Variants in SCNN1B observed in about 807,000 individuals in gnomAD.
The protein encoded by SCNN1B is sodium channel epithelial 1 subunit beta.
SCNN1B carries 46 observed loss-of-function variants against 65.3 expected under a neutral mutation model. The ratio of observed to expected loss-of-function variants is 0.70; its 90% CI spans 0.56 to 0.90. The LOEUF (loss-of-function observed/expected upper bound fraction) is 0.90. Among genes scored for constraint, SCNN1B ranks in the 40% least tolerant of loss-of-function variants. The pLI is 0.00. For missense variants in SCNN1B, 751 were observed against 830.5 expected, an observed-to-expected ratio of 0.90 and a Z score of 1.18; for synonymous variants, 349 against 330.6, an observed-to-expected ratio of 1.06 and a Z score of -0.60.
chr16:23,363,268 C>A (rs1324064739), intron 4 of SCNN1B, among the ~76,000 whole-genome samples: 1 of 152,208 alleles, frequency 6.6e-6, no homozygotes, highest in Non-Finnish European at 1.5e-5. Context: ...GGCATCCACC[C>A]CTTGCCGCAG....
At chr16:23,346,797 G>C (rs112790554) in intron 1 of SCNN1B, among the ~76,000 whole-genome samples, 11 of 150,718 alleles carry the variant, frequency 7.3e-5, no homozygotes, top group Non-Finnish European at 1.5e-5. Context: ...TCTCAGACCT[G>C]GCCAGGCCTC....
intron 1 of SCNN1B, among the ~76,000 whole-genome samples, chr16:23,325,922 T>TAATAA (rs59140961): frequency 1.4e-5 from 2 of 147,726 alleles, no homozygotes; most frequent in Admixed American, 6.7e-5. Flanking sequence ...AATAAATAAA[T>TAATAA]ATAAATAAAA....
chr16:23,310,364 T>C (rs1024923326), intron 1 of SCNN1B, among the ~76,000 whole-genome samples: 4 of 150,726 alleles, frequency 2.7e-5, no homozygotes, highest in African/African-American at 7.3e-5. Flanking sequence ...GCCACTGTTA[T>C]GACCAATAAT....
intron 7 of SCNN1B, among the ~76,000 whole-genome samples, chr16:23,375,297 G>A (rs886322370): frequency 5.9e-5 from 9 of 152,190 alleles, no homozygotes; most frequent in African/African-American, 1.9e-4. Context: ...CCCTCTGGGA[G>A]GAAGGAGCAC....
chr16:23,331,215 A>G (rs981065110), intron 1 of SCNN1B, among the ~76,000 whole-genome samples: 1 of 152,038 alleles, frequency 6.6e-6, no homozygotes, highest in African/African-American at 2.4e-5. Context: ...CTTCTTTCTC[A>G]GCGCTCCTGG....
At chr16:23,317,755 C>A (rs1310983910) in intron 1 of SCNN1B, among the ~76,000 whole-genome samples, 1 of 152,172 alleles carries the variant, frequency 6.6e-6, no homozygotes, top group Non-Finnish European at 1.5e-5. Context: ...AAGGTGAGCA[C>A]CGAAGGGCAA....
chr16:23,351,885 G>C (rs1418389204), intron 2 of SCNN1B, among the ~76,000 whole-genome samples: 1 of 152,160 alleles, frequency 6.6e-6, no homozygotes, highest in East Asian at 1.9e-4. Context: ...CTGGGAGGGA[G>C]ATCTCAGAAC....
At chr16:23,333,177 GGAAGGA>G (rs1479892144) in intron 1 of SCNN1B, among the ~76,000 whole-genome samples, 4 of 141,044 alleles carry the variant, frequency 2.8e-5, no homozygotes, top group African/African-American at 5.2e-5. Flanking sequence ...AAGGAAGGAA[GGAAGGA>G]AGGAAGGAAG....
chr16:23,323,543 T>C (rs2141996034), intron 1 of SCNN1B: 1 of 702,988 alleles, frequency 1.4e-6, no homozygotes, highest in African/African-American at 1.7e-5. Context: ...TATTTTCCCC[T>C]CATTTTACAG....
At chr16:23,304,533 G>A (rs1051382049) in intron 1 of SCNN1B, among the ~76,000 whole-genome samples, 1 of 152,222 alleles carries the variant, frequency 6.6e-6, no homozygotes, top group Non-Finnish European at 1.5e-5. Context: ...ACCTCCAGGG[G>A]TTCTCTCTAG....
At position 23,352,911 on chromosome 16, in the gene SCNN1B, A is replaced by T. The variant is rs1256639788; in HGVS notation, c.422A>T (p.Asn141Ile). Residue 141 changes from asparagine (N) to isoleucine (I), a missense_variant, in exon 3 of 13, where the codon AAC becomes ATC. Asn to Ile is a moderately radical substitution (Grantham distance 149). Transcript: ENST00000343070. ...CATGCCAATGCCACCAGGAACCTGA[A>T]CTTCTCCATCTGGAACCACACACCC... ...LSHANATRNL[N>I]FSIWNHTPLV... is the part of the protein sequence containing the mutation. The T allele has an allele frequency of 1.2e-6, 2 of 1,614,178 alleles. No individual in the cohort carries two copies. Among genetic ancestry groups the T allele is most frequent in the Non-Finnish European group, 1.7e-6 (2 of 1,180,028 alleles).
intron 1 of SCNN1B, among the ~76,000 whole-genome samples, chr16:23,321,486 A>C (rs1335079808): frequency 1.3e-5 from 2 of 152,168 alleles, no homozygotes; most frequent in African/African-American, 2.4e-5. Flanking sequence ...CCCATAGGAC[A>C]AGACAGCACA....
chr16:23,338,247 T>C (rs1312325020), intron 1 of SCNN1B, among the ~76,000 whole-genome samples: 1 of 152,234 alleles, frequency 6.6e-6, no homozygotes, highest in Non-Finnish European at 1.5e-5. Context: ...AGAAATTGTG[T>C]CCAAGGTATG....
intron 1 of SCNN1B, among the ~76,000 whole-genome samples, chr16:23,316,773 CCAT>C (rs1242411709): frequency 4.1e-5 from 6 of 147,830 alleles, no homozygotes; most frequent in South Asian, 2.1e-4. Context: ...ATCACCATCA[CCAT>C]CATCAACACC....
rs1963005335 is a variant in SCNN1B at position 23,380,013 on chromosome 16, T to C, written c.1467-81T>C. On this transcript the variant is annotated intron_variant, in intron 11 of 12. Transcript: ENST00000343070. The surrounding 1 kb of genome is among the most constrained non-coding windows in gnomAD (Gnocchi z 5.4). ...GTGTGTGCACGTGCATGTGTGTGCA[T>C]GTGTCTATGTGCGTGTGTGTGTGTC... 3.0e-6 allele frequency: 3 copies of C among 1,016,558 alleles called. No individual in the cohort carries two copies. The highest frequency in any genetic ancestry group is 3.4e-5 in the Admixed American group (2 of 58,996). The allele number at this position is 1,016,558 out of a possible 1,614,324, so 63.0% of individuals were successfully genotyped here. A position where few individuals can be genotyped will look rare whatever the true frequency, so the allele number is the denominator to read the frequency against.
At chr16:23,330,595 C>G (rs1251145657) in intron 1 of SCNN1B, among the ~76,000 whole-genome samples, 1 of 152,020 alleles carries the variant, frequency 6.6e-6, no homozygotes, top group African/African-American at 2.4e-5. Context: ...GGTTTTAGAC[C>G]AGGGTCCTGC....
intron 1 of SCNN1B, among the ~76,000 whole-genome samples, chr16:23,281,382 A>G (rs8046871): frequency 0.49 from 74,182 of 151,994 alleles, 22,164 homozygotes; most frequent in African/African-American, 0.85. Flanking sequence ...GCAGTGAGCC[A>G]AGACCACACC....
chr16:23,306,753 T>C (rs1226283593), intron 1 of SCNN1B, among the ~76,000 whole-genome samples: 1 of 152,214 alleles, frequency 6.6e-6, no homozygotes, highest in Non-Finnish European at 1.5e-5. Context: ...TACAAAAGCC[T>C]AGAGGCATGA....
At chr16:23,368,670 T>C (rs1962722042) in intron 5 of SCNN1B, among the ~76,000 whole-genome samples, 1 of 152,210 alleles carries the variant, frequency 6.6e-6, no homozygotes, top group African/African-American at 2.4e-5. Context: ...AGTATAAGCC[T>C]TGTGAGTCAT....
Sources: gnomAD v4.1 joint callset for allele counts (sites outside exome capture counted in the v4.1 genomes callset) on GRCh38, gnomAD v4.1.1 for gene constraint, Gnocchi (gnomAD v3.1) non-coding constraint, MANE v1.5 for transcripts, NCBI Gene and HGNC (gene_info 2026-07-23, HGNC 2026-07-21) for gene names.